Variants in RACGAP1 observed in about 807,000 individuals in gnomAD.
RACGAP1 encodes Rac GTPase activating protein 1.
RACGAP1 carries 30 observed loss-of-function variants against 78.1 expected under a neutral mutation model. The ratio of observed to expected loss-of-function variants is 0.38; its 90% CI spans 0.29 to 0.52. The LOEUF (loss-of-function observed/expected upper bound fraction) is 0.52, where lower values mean the gene tolerates loss of function less well. Ranked by LOEUF, RACGAP1 falls within the 20% of genes least tolerant of loss-of-function variation. The pLI is 0.82. For missense variants in RACGAP1, 587 were observed against 777.1 expected (o/e 0.76, Z 2.91); for synonymous variants, 231 against 264.8 (o/e 0.87, Z 1.24).
intron 1 of RACGAP1, among the ~76,000 whole-genome samples, chr12:50,018,225 A>G (rs543667638): frequency 1.3e-5 from 2 of 152,042 alleles, no homozygotes; most frequent in African/African-American, 4.8e-5. Flanking sequence ...AGAATTATAC[A>G]TTTATACTCA....
chr12:50,002,243 A>G lies in RACGAP1; in HGVS notation c.549+4T>C. ...TAAAAAAAGACTAAACAAATCATAC[A>G]TACCCTCTTTTCTCTCTTCTTCAGT... is the stretch of plus-strand genomic sequence containing the variant. On this transcript the variant is annotated splice_donor_region_variant and intron_variant, in intron 6 of 16. Transcript: ENST00000312377. 1 of 1,612,942 alleles carries G rather than the reference A, an allele frequency of 6.2e-7. No homozygotes were observed. The highest frequency in any genetic ancestry group is 8.5e-7 in the Non-Finnish European group (1 of 1,179,372).
chr12:49,989,985 A>G lies in RACGAP1; in HGVS notation c.*283T>C. The G allele has an allele frequency of 3.0e-6, 1 of 335,132 alleles. No homozygotes were observed. The highest frequency in any genetic ancestry group is 4.5e-5 in the East Asian group (1 of 22,398). 20.8% of individuals were successfully genotyped at this position (335,132 alleles called of 1,614,324 possible). ...AAGGAACAATAACCCCCTTCCCCAA[A>G]AAGAATCACAACCAATTCCATACTA... On this transcript the variant is annotated 3_prime_UTR_variant, in exon 17 of 17. Coordinates refer to ENST00000312377, the MANE Select transcript of RACGAP1 (RefSeq NM_001319999.2).
intron 7 of RACGAP1, 62 bp downstream of exon 7, chr12:50,001,110 C>T (rs1948647720): frequency 7.7e-7 from 1 of 1,296,340 alleles, no homozygotes; most frequent in Non-Finnish European, 1.1e-6. Context: ...GCAATGCTGA[C>T]TCAGAGAAGT....
At chr12:49,992,898 C>T (rs975983326) in intron 12 of RACGAP1, among the ~76,000 whole-genome samples, 1 of 152,166 alleles carries the variant, frequency 6.6e-6, no homozygotes, top group African/African-American at 2.4e-5. Flanking sequence ...AACTGATGTG[C>T]TAGGCAGACA....
chr12:50,012,111 G>A (rs1324782493), intron 2 of RACGAP1, among the ~76,000 whole-genome samples: 2 of 150,440 alleles, frequency 1.3e-5, no homozygotes, highest in Non-Finnish European at 3.0e-5. Context: ...CTGGGCAACA[G>A]AGCGAGACCT....
chr12:50,018,022 G>T (rs1038747799), intron 1 of RACGAP1, among the ~76,000 whole-genome samples: 1 of 152,076 alleles, frequency 6.6e-6, no homozygotes, highest in Non-Finnish European at 1.5e-5. Flanking sequence ...GCTGGGCACA[G>T]TTATGTGTGC....
chr12:49,996,771 TGAAGGGGAG>T (rs1290694596), intron 10 of RACGAP1, among the ~76,000 whole-genome samples: 2 of 143,788 alleles, frequency 1.4e-5, no homozygotes, highest in East Asian at 4.2e-4. Flanking sequence ...CAAAATGGGA[TGAAGGGGAG>T]GAAGGAAGGA....
chr12:49,994,610 G>A (rs1047286728), intron 10 of RACGAP1, 101 bp from the exon 11 acceptor site: 1 of 1,470,616 alleles, frequency 6.8e-7, no homozygotes, highest in Non-Finnish European at 9.0e-7. Flanking sequence ...CTCAAACTGG[G>A]ACATCATGTC....
At chr12:50,030,348 C>CAAAAAA (rs58620170), upstream of RACGAP1, among the ~76,000 whole-genome samples, 1 of 82,610 alleles carries the variant, frequency 1.2e-5, no homozygotes, top group Non-Finnish European at 3.0e-5. Context: ...GACCTTGTCT[C>CAAAAAA]AAAAAAAAAA....
rs1428537485 is a variant in RACGAP1 at position 50,022,928 on chromosome 12, C to G, written c.-5+2470G>C. On this transcript the variant is annotated intron_variant, in intron 1 of 16. Transcript: ENST00000312377. ...TTCTCAGTGAGGTCTTTCCAACCAT[C>G]CTATTGTAAACTGCAGCCTTTCTCT... 9.8e-5 allele frequency among the ~76,000 whole-genome samples: 15 copies of G among 152,350 alleles called. No homozygotes were observed. In the South Asian group the frequency reaches 1.2e-3, roughly 13 times the overall value.
Position 50,016,644 on chromosome 12 carries a change from T to C in RACGAP1, c.72A>G (p.Glu24=), listed in dbSNP as rs761374879. Residue 24 remains glutamate, a synonymous_variant, in exon 2 of 17, where the codon GAA becomes GAG. Coordinates refer to ENST00000312377, the MANE Select transcript of RACGAP1 (RefSeq NM_001319999.2). The part of the protein sequence containing the change: ...QLVRRVEILS[E]GNEVQFIQLA... ...AGAATGACTTACGGACTTCATTTCC[T>C]TCACTGAGAATCTCCACCCGGCGCA... 1.7e-5 allele frequency: 27 copies of C among 1,613,934 alleles called. No individual in the cohort carries two copies. Among genetic ancestry groups the C allele is most frequent in the Non-Finnish European group, 2.1e-5 (25 of 1,179,948 alleles).
chr12:50,029,382 C>A (rs1950310599), upstream of RACGAP1, among the ~76,000 whole-genome samples: 1 of 149,878 alleles, frequency 6.7e-6, no homozygotes, highest in Non-Finnish European at 1.5e-5. Context: ...AAGACTCCAT[C>A]TCAAAAACAA....
intron 2 of RACGAP1, among the ~76,000 whole-genome samples, chr12:50,013,444 C>T (rs908027999): frequency 1.3e-5 from 2 of 152,166 alleles, no homozygotes; most frequent in African/African-American, 4.8e-5. Flanking sequence ...CAGCTGCCTC[C>T]TTCTACAGGT....
chr12:50,005,685 T>C (rs1057299044), intron 3 of RACGAP1, among the ~76,000 whole-genome samples: 1 of 152,162 alleles, frequency 6.6e-6, no homozygotes, highest in African/African-American at 2.4e-5. Context: ...CCAAAATAGA[T>C]TTCACATAGC....
chr12:50,009,098 G>A (rs2137490883), intron 2 of RACGAP1, among the ~76,000 whole-genome samples: 1 of 152,004 alleles, frequency 6.6e-6, no homozygotes, highest in East Asian at 2.0e-4. Context: ...CCAACATGGT[G>A]AAACCCTGTC....
intron 1 of RACGAP1, 192 bp from the exon 2 acceptor site, chr12:50,016,911 C>T (rs1949715747): frequency 2.2e-6 from 3 of 1,339,188 alleles, no homozygotes; most frequent in South Asian, 4.0e-5. Context: ...GTTTAAGACT[C>T]ATCTGAAAAT....
chr12:50,016,509 GC>G (rs1949688971), intron 2 of RACGAP1, 121 bp downstream of exon 2: 5 of 1,039,590 alleles, frequency 4.8e-6, no homozygotes, highest in Non-Finnish European at 7.4e-6. Flanking sequence ...AGTGATCACT[GC>G]TTTCTTTTTA....
chr12:49,990,536 G>T, intron 16 of RACGAP1, 148 bp downstream of exon 16: 1 of 788,068 alleles, frequency 1.3e-6, no homozygotes, highest in Non-Finnish European at 2.0e-6. Flanking sequence ...CCTTTTTAAA[G>T]AAGGAATCCT....
intron 2 of RACGAP1, among the ~76,000 whole-genome samples, chr12:50,010,172 G>A (rs1346118444): frequency 6.6e-6 from 1 of 152,046 alleles, no homozygotes. Flanking sequence ...AGCTCAGGCA[G>A]CTTATGAAAA....
Sources: gnomAD v4.1 joint callset for allele counts (sites outside exome capture counted in the v4.1 genomes callset) on GRCh38, gnomAD v4.1.1 for gene constraint, MANE v1.5 for transcripts, NCBI Gene and HGNC (gene_info 2026-07-23, HGNC 2026-07-21) for gene names.